Variants in PHTF1 observed in about 807,000 individuals in gnomAD.
PHTF1 encodes putative homeodomain transcription factor 1.
Under a neutral mutation model 102.4 loss-of-function variants are expected in PHTF1, and 88 were observed. That is an observed-to-expected ratio of 0.86 (90% confidence interval 0.72 to 1.03). The LOEUF (loss-of-function observed/expected upper bound fraction) is 1.03. Ranked by LOEUF, PHTF1 falls within the 50% of genes least tolerant of loss-of-function variation. The probability of loss-of-function intolerance (pLI) is 0.00; values close to 1 mark genes in which losing one functional copy is unlikely to be tolerated. For synonymous variants in PHTF1, 289 were observed against 305.2 expected (o/e 0.95, Z 0.55); for missense variants, 814 against 909.5 (o/e 0.89, Z 1.35).
chr1:113,735,005 T>C (rs1417940876), intron 5 of PHTF1, among the ~76,000 whole-genome samples: 5 of 152,264 alleles, frequency 3.3e-5, no homozygotes, highest in Admixed American at 6.5e-5. Flanking sequence ...ATTTTTCTTA[T>C]AGCAGCCTGA....
chr1:113,757,153 T>C (rs867534965), intron 3 of PHTF1, among the ~76,000 whole-genome samples: 1 of 151,814 alleles, frequency 6.6e-6, no homozygotes, highest in South Asian at 2.1e-4. Context: ...GACGACAGAG[T>C]GAGACTCTGT....
At chr1:113,758,508 G>A (rs1198834610) in intron 2 of PHTF1, 151 bp downstream of exon 2, 2 of 439,564 alleles carry the variant, frequency 4.5e-6, no homozygotes, top group Non-Finnish European at 3.9e-6. Flanking sequence ...TAATGACCTT[G>A]TACATCTTTT....
intron 6 of PHTF1, 56 bp from the exon 7 acceptor site, chr1:113,724,949 CA>C: frequency 8.0e-7 from 1 of 1,247,438 alleles, no homozygotes. Flanking sequence ...CTATTTCTGC[CA>C]AAAATATCCC....
rs1652610367 is a variant in PHTF1 at position 113,719,693 on chromosome 1, G to A, written c.623+5066C>T. Among the ~76,000 whole-genome samples, 5 of 152,140 alleles carry A rather than the reference G, an allele frequency of 3.3e-5. No individual in the cohort carries two copies. The South Asian group carries it at 8.3e-4, about 25-fold the overall frequency. ...TTCCCACATTTTCCTGTCTTCTTCT[G>A]AGCGCTCCAAACTGTTCCAACCTCT... On this transcript the variant is annotated intron_variant, in intron 7 of 18. Coordinates refer to ENST00000369604, the MANE Select transcript of PHTF1 (RefSeq NM_001323043.2).
At chr1:113,713,503 T>C (rs779392163) in intron 7 of PHTF1, 65 bp from the exon 8 acceptor site, 4 of 843,552 alleles carry the variant, frequency 4.7e-6, no homozygotes, top group Non-Finnish European at 7.6e-6. Flanking sequence ...GAAACCACTT[T>C]CTTTTAAGGA....
At chr1:113,732,223 C>T (rs564326550) in intron 5 of PHTF1, among the ~76,000 whole-genome samples, 8 of 152,112 alleles carry the variant, frequency 5.3e-5, no homozygotes, top group African/African-American at 1.7e-4. Flanking sequence ...CTTGGCCAGG[C>T]GCGGTGGCTC....
chr1:113,734,163 G>C (rs565880837), intron 5 of PHTF1, among the ~76,000 whole-genome samples: 1 of 152,286 alleles, frequency 6.6e-6, no homozygotes, highest in South Asian at 2.1e-4. Flanking sequence ...AGGAGGCTAA[G>C]GCAGGAGAAT....
chr1:113,705,856 A>C, intron 13 of PHTF1, 34 bp downstream of exon 13: 1 of 1,566,718 alleles, frequency 6.4e-7, no homozygotes, highest in Non-Finnish European at 8.7e-7. Context: ...ATATACAAAA[A>C]CAGGTAAAAA....
chr1:113,710,113 T>G, intron 11 of PHTF1, 141 bp downstream of exon 11: 1 of 664,856 alleles, frequency 1.5e-6, no homozygotes, highest in Non-Finnish European at 2.6e-6. Context: ...TAGACTATGC[T>G]CAGTTTCCTC....
chr1:113,700,108 C>G (rs1649280929), intron 16 of PHTF1: 1 of 1,035,586 alleles, frequency 9.7e-7, no homozygotes, highest in Non-Finnish European at 1.2e-6. Flanking sequence ...TTCAAAACCT[C>G]TATCTTATTC....
At chr1:113,748,759 C>A (rs983773655) in intron 3 of PHTF1, among the ~76,000 whole-genome samples, 3 of 151,996 alleles carry the variant, frequency 2.0e-5, no homozygotes, top group Non-Finnish European at 4.4e-5. Context: ...TAATCTTGAA[C>A]TCCTGGGCTC....
chr1:113,752,601 G>A (rs1658266913), intron 3 of PHTF1, among the ~76,000 whole-genome samples: 2 of 151,780 alleles, frequency 1.3e-5, no homozygotes. Flanking sequence ...AGCCAGGATG[G>A]TCTCGATCTC....
At chr1:113,757,437 G>A (rs920061846) in intron 3 of PHTF1, among the ~76,000 whole-genome samples, 1 of 152,224 alleles carries the variant, frequency 6.6e-6, no homozygotes, top group Non-Finnish European at 1.5e-5. Context: ...AAACTAGCCA[G>A]AGCTAAGTAA....
chr1:113,743,974 AC>A (rs1363254888), intron 3 of PHTF1, among the ~76,000 whole-genome samples: 2 of 152,224 alleles, frequency 1.3e-5, no homozygotes, highest in Non-Finnish European at 2.9e-5. Context: ...GCTATATGAC[AC>A]AAAATGCATC....
intron 3 of PHTF1, among the ~76,000 whole-genome samples, chr1:113,750,890 G>T (rs1371542183): frequency 6.6e-6 from 1 of 151,162 alleles, no homozygotes; most frequent in Non-Finnish European, 1.5e-5. Context: ...TCTTATTTTA[G>T]GCTTATTTTG....
At chr1:113,704,861 G>C in intron 13 of PHTF1, 64 bp from the exon 14 acceptor site, 1 of 1,051,880 alleles carries the variant, frequency 9.5e-7, no homozygotes, top group Non-Finnish European at 1.4e-6. Flanking sequence ...TCATATAATT[G>C]CCAACGATAT....
chr1:113,708,618 G>A (rs1380400527), intron 11 of PHTF1, among the ~76,000 whole-genome samples: 3 of 151,958 alleles, frequency 2.0e-5, no homozygotes, highest in Admixed American at 2.0e-4. Flanking sequence ...GGGTGACAGA[G>A]TAAGACTCCA....
chr1:113,752,489 TC>T (rs1285271030), intron 3 of PHTF1, among the ~76,000 whole-genome samples: 1 of 133,828 alleles, frequency 7.5e-6, no homozygotes, highest in Admixed American at 8.6e-5. Context: ...AAGCTCTGCC[TC>T]CCCGGGTTCA....
chr1:113,702,616 G>A (rs955579438), intron 15 of PHTF1, among the ~76,000 whole-genome samples: 1 of 150,404 alleles, frequency 6.6e-6, no homozygotes, highest in Admixed American at 6.6e-5. Context: ...GCCAGGCTAG[G>A]TGGCATGTGC....
Sources: gnomAD v4.1 joint callset for allele counts (sites outside exome capture counted in the v4.1 genomes callset) on GRCh38, gnomAD v4.1.1 for gene constraint, MANE v1.5 for transcripts, NCBI Gene and HGNC (gene_info 2026-07-23, HGNC 2026-07-21) for gene names.